COL25A1: variants seen among roughly 807,000 people sequenced by gnomAD.
COL25A1 encodes the protein collagen alpha-1(XXV) chain.
Under a neutral mutation model 128.4 loss-of-function variants are expected in COL25A1, and 103 were observed. That is an observed-to-expected ratio of 0.80 (90% CI 0.68 to 0.94). The LOEUF (loss-of-function observed/expected upper bound fraction) is 0.94, where lower values mean the gene tolerates loss of function less well. COL25A1 is among the 40% of genes least tolerant of loss of function. The pLI, the probability that COL25A1 is intolerant of heterozygous loss-of-function variation, is 0.00. For synonymous variants in COL25A1, 279 were observed against 277.2 expected, an observed-to-expected ratio of 1.01 and a Z score of -0.06; for missense variants, 745 against 840.0, an observed-to-expected ratio of 0.89 and a Z score of 1.40.
At chr4:109,139,900 A>C in intron 3 of COL25A1, among the ~76,000 whole-genome samples, 1 of 136,286 alleles carries the variant, frequency 7.3e-6, no homozygotes, top group African/African-American at 2.8e-5. Context: ...TTCAATTCCC[A>C]CCTATGAGTG....
chr4:109,291,739 A>G (rs1207128559), intron 3 of COL25A1, among the ~76,000 whole-genome samples: 1 of 152,106 alleles, frequency 6.6e-6, no homozygotes, highest in Non-Finnish European at 1.5e-5. Flanking sequence ...AATTGTCATT[A>G]AAAGAACAAG....
At chr4:109,181,661 G>A (rs1465614892) in intron 3 of COL25A1, among the ~76,000 whole-genome samples, 1 of 151,994 alleles carries the variant, frequency 6.6e-6, no homozygotes, top group East Asian at 1.9e-4. Context: ...GCTAAATTGA[G>A]CTAATAATTA....
chr4:109,002,363 T>C (rs1048861477), intron 6 of COL25A1, among the ~76,000 whole-genome samples: 18 of 152,152 alleles, frequency 1.2e-4, no homozygotes, highest in African/African-American at 4.1e-4. Context: ...ACATACACAA[T>C]GGAATATTAT....
At chr4:108,917,823 C>T (rs1317227177) in intron 13 of COL25A1, among the ~76,000 whole-genome samples, 1 of 152,098 alleles carries the variant, frequency 6.6e-6, no homozygotes, top group Non-Finnish European at 1.5e-5. Flanking sequence ...TTTACCATGA[C>T]CAGAATAAAC....
intron 3 of COL25A1, among the ~76,000 whole-genome samples, chr4:109,247,404 G>A (rs1289730304): frequency 6.6e-6 from 1 of 152,158 alleles, no homozygotes; most frequent in Admixed American, 6.5e-5. Flanking sequence ...ATCGTGGAAG[G>A]CTTGAATGTC....
At chr4:108,987,531 T>C (rs10032033) in intron 6 of COL25A1, among the ~76,000 whole-genome samples, 120,932 of 151,980 alleles carry the variant, frequency 0.8, 49,286 homozygotes, top group East Asian at 1. Flanking sequence ...CCCACCACCA[T>C]GCCTGGCTAA....
At chr4:109,082,630 T>C (rs746216211) in intron 3 of COL25A1, among the ~76,000 whole-genome samples, 2 of 152,254 alleles carry the variant, frequency 1.3e-5, no homozygotes, top group Non-Finnish European at 2.9e-5. Flanking sequence ...TTTGACCATT[T>C]TAAAATTGGT....
At chr4:109,162,982 C>G (rs1772729179) in intron 3 of COL25A1, among the ~76,000 whole-genome samples, 1 of 152,190 alleles carries the variant, frequency 6.6e-6, no homozygotes. Context: ...TATGTCCTCT[C>G]TGATGATGTG....
chr4:108,951,400 T>C (rs994208061), intron 8 of COL25A1, among the ~76,000 whole-genome samples: 9 of 151,742 alleles, frequency 5.9e-5, no homozygotes, highest in African/African-American at 2.2e-4. Flanking sequence ...CTTTTTTTTT[T>C]TTTTAGACAG....
rs1730906727 is a variant in COL25A1 at position 108,812,822 on chromosome 4, G to C, written c.*1105C>G. 6.6e-6 allele frequency: 1 copy of C among 152,084 alleles called. No individual in the cohort carries two copies. The highest frequency in any genetic ancestry group is 1.5e-5 in the Non-Finnish European group (1 of 68,008). The allele number at this position is 152,084 out of a possible 1,614,324, so 9.4% of individuals were successfully genotyped here. A position where few individuals can be genotyped will look rare whatever the true frequency, so the allele number is the denominator to read the frequency against. ...AAGCTCTCCTATATCATCGGGAGAG[G>C]CGATTTTGGCTGATCCCTTCTCAGA... On this transcript the variant is annotated 3_prime_UTR_variant, in exon 38 of 38. Transcript: ENST00000399132.
intron 3 of COL25A1, among the ~76,000 whole-genome samples, chr4:109,218,736 A>T (rs1166117730): frequency 6.6e-6 from 1 of 152,074 alleles, no homozygotes; most frequent in African/African-American, 2.4e-5. Context: ...TGAACACATC[A>T]CATGTCCCTG....
rs374795414 is a variant in COL25A1 at position 109,258,768 on chromosome 4, TTAA to T, written c.367+41812_367+41814del. 1.8e-4 allele frequency among the ~76,000 whole-genome samples: 27 copies of T among 152,334 alleles called. No individual in the cohort carries two copies. In the East Asian group the frequency reaches 4.8e-3, roughly 27 times the overall value. On this transcript the variant is annotated intron_variant, in intron 3 of 37. Transcript: ENST00000399132. The stretch of plus-strand genomic sequence containing the variant: ...TATAATCCCATTAAAAATTATCTGA[TTAA>T]TGTCATTAAAATATAACTCCAAGCA...
chr4:109,223,062 A>C (rs1364524513), intron 3 of COL25A1, among the ~76,000 whole-genome samples: 2 of 152,180 alleles, frequency 1.3e-5, no homozygotes, highest in Non-Finnish European at 2.9e-5. Context: ...ATAGACCAAG[A>C]ATTAATTCCT....
At chr4:109,197,101 T>C (rs1287956431) in intron 3 of COL25A1, among the ~76,000 whole-genome samples, 1 of 151,642 alleles carries the variant, frequency 6.6e-6, no homozygotes, top group Non-Finnish European at 1.5e-5. Flanking sequence ...CAAGATCACT[T>C]GAGCTCAGGA....
intron 18 of COL25A1, among the ~76,000 whole-genome samples, chr4:108,887,745 A>G (rs190988519): frequency 6.6e-6 from 1 of 152,318 alleles, no homozygotes; most frequent in Non-Finnish European, 1.5e-5. Context: ...TTATTAAGTA[A>G]TTGAAAATCT....
intron 31 of COL25A1, chr4:108,838,242 G>A (rs913612739): frequency 5.3e-6 from 6 of 1,131,168 alleles, no homozygotes; most frequent in Non-Finnish European, 7.8e-6. Context: ...TGAGAGAAGA[G>A]AGCCAGTCTC....
At chr4:109,251,767 T>C (rs1780663107) in intron 3 of COL25A1, among the ~76,000 whole-genome samples, 1 of 152,202 alleles carries the variant, frequency 6.6e-6, no homozygotes, top group African/African-American at 2.4e-5. Context: ...CTAAGGGTAA[T>C]AGTGAGTGAT....
intron 8 of COL25A1, among the ~76,000 whole-genome samples, chr4:108,956,014 T>A (rs1349711920): frequency 6.6e-6 from 1 of 152,194 alleles, no homozygotes; most frequent in Non-Finnish European, 1.5e-5. Flanking sequence ...CGTATCATTT[T>A]TTTGGGAACT....
chr4:109,226,837 A>G (rs183794267), intron 3 of COL25A1, among the ~76,000 whole-genome samples: 11 of 152,300 alleles, frequency 7.2e-5, no homozygotes, highest in Non-Finnish European at 1.5e-5. Context: ...AATAATATTA[A>G]TAATATACAC....
Sources: allele counts gnomAD v4.1 joint callset (sites outside exome capture counted in the v4.1 genomes callset), GRCh38; gene constraint gnomAD v4.1.1; transcripts MANE v1.5; gene names NCBI Gene and HGNC (gene_info 2026-07-23, HGNC 2026-07-21).